Variants in DPP6 observed in about 807,000 individuals in gnomAD.
DPP6 encodes dipeptidyl peptidase like 6, also known as A-type potassium channel modulatory protein DPP6.
Under a neutral mutation model 122.6 loss-of-function variants are expected in DPP6, and 69 were observed. The observed-to-expected ratio is 0.56, with a 90% CI of 0.46 to 0.69. The LOEUF (loss-of-function observed/expected upper bound fraction) is 0.69. Ranked by LOEUF, DPP6 falls within the 30% of genes least tolerant of loss-of-function variation. The probability of loss-of-function intolerance (pLI) is 0.00; values close to 1 mark genes in which losing one functional copy is unlikely to be tolerated. For missense variants in DPP6, 928 were observed against 1,116.9 expected (o/e 0.83, Z 2.41); for synonymous variants, 418 against 433.1 (o/e 0.97, Z 0.43).
At chr7:154,414,964 T>G (rs923785020) in intron 1 of DPP6, among the ~76,000 whole-genome samples, 1 of 152,172 alleles carries the variant, frequency 6.6e-6, no homozygotes, top group Non-Finnish European at 1.5e-5. Context: ...TGATGGAGTT[T>G]GGAAGGGAGT....
At chr7:154,353,976 G>T (rs544033040) in intron 1 of DPP6, among the ~76,000 whole-genome samples, 6 of 152,282 alleles carry the variant, frequency 3.9e-5, no homozygotes, top group African/African-American at 1.4e-4. Context: ...TGAGGATGGG[G>T]CTTATTCAGC....
At chr7:154,561,730 GA>G (rs1331294811) in intron 4 of DPP6, among the ~76,000 whole-genome samples, 1 of 151,876 alleles carries the variant, frequency 6.6e-6, no homozygotes, top group African/African-American at 2.4e-5. Context: ...AAAAATGTTA[GA>G]AAAAATGACC....
At chr7:154,736,804 G>C (rs1317683954) in intron 8 of DPP6, among the ~76,000 whole-genome samples, 1 of 152,190 alleles carries the variant, frequency 6.6e-6, no homozygotes, top group African/African-American at 2.4e-5. Flanking sequence ...AAATACTTTT[G>C]AATGAGTTAA....
At chr7:154,336,257 C>T (rs575581285) in intron 1 of DPP6, among the ~76,000 whole-genome samples, 41 of 152,234 alleles carry the variant, frequency 2.7e-4, no homozygotes, top group South Asian at 1.9e-3. Context: ...GTGACCCAGC[C>T]CTTTCTCCTG....
At chr7:154,667,303 ATGTTTT>A in intron 6 of DPP6, among the ~76,000 whole-genome samples, 1 of 152,206 alleles carries the variant, frequency 6.6e-6, no homozygotes, top group Admixed American at 6.5e-5. Flanking sequence ...CAAAAGTTTT[ATGTTTT>A]TATGTAGTCC....
chr7:153,786,382 T>A, the DPP6 span, among the ~76,000 whole-genome samples: 2 of 150,970 alleles, frequency 1.3e-5, no homozygotes, highest in African/African-American at 4.9e-5. Context: ...AAACAATACT[T>A]CAGGTGACAA....
At chr7:153,790,618 G>T in the DPP6 span, among the ~76,000 whole-genome samples, 340 of 152,242 alleles carry the variant, frequency 2.2e-3, 1 homozygote, top group Middle Eastern at 0.017. Flanking sequence ...AAATGTTTCC[G>T]TTGATACTGA....
At chr7:153,827,075 A>G in the DPP6 span, among the ~76,000 whole-genome samples, 1 of 152,196 alleles carries the variant, frequency 6.6e-6, no homozygotes, top group Non-Finnish European at 1.5e-5. Context: ...AAGAAAAAAA[A>G]ATTAGAAGGC....
intron 8 of DPP6, among the ~76,000 whole-genome samples, chr7:154,763,373 AG>A: frequency 6.6e-6 from 1 of 152,080 alleles, no homozygotes; most frequent in Middle Eastern, 3.4e-3. Context: ...AGAGAGAGAG[AG>A]AGAAAGAAAG....
intron 1 of DPP6, among the ~76,000 whole-genome samples, chr7:154,365,714 G>A (rs575802656): frequency 2.6e-5 from 4 of 152,272 alleles, no homozygotes; most frequent in Non-Finnish European, 5.9e-5. Context: ...AGTACTTTGG[G>A]AGGCCGAGGC....
intron 7 of DPP6, among the ~76,000 whole-genome samples, chr7:154,720,769 A>G (rs1355456389): frequency 6.6e-6 from 1 of 152,264 alleles, no homozygotes; most frequent in Non-Finnish European, 1.5e-5. Flanking sequence ...AGGGGTGGGC[A>G]GCCCCTTCAC....
chr7:154,170,829 T>G (rs1324347360), intron 1 of DPP6, among the ~76,000 whole-genome samples: 1 of 152,214 alleles, frequency 6.6e-6, no homozygotes, highest in East Asian at 1.9e-4. Context: ...GTTGATATTT[T>G]TTTCCCAAAG....
At chr7:153,973,781 G>T (rs1451383636) in intron 1 of DPP6, among the ~76,000 whole-genome samples, 1 of 149,400 alleles carries the variant, frequency 6.7e-6, no homozygotes, top group African/African-American at 2.5e-5. Context: ...ACAGAGTGTG[G>T]ACTACAGAAA....
At chr7:154,594,635 T>C (rs1832984996) in intron 5 of DPP6, among the ~76,000 whole-genome samples, 1 of 152,212 alleles carries the variant, frequency 6.6e-6, no homozygotes, top group African/African-American at 2.4e-5. Context: ...TTAGTATACA[T>C]ACCTGATTCC....
intron 1 of DPP6, among the ~76,000 whole-genome samples, chr7:154,365,789 T>C (rs1386659516): frequency 6.6e-6 from 1 of 151,942 alleles, no homozygotes; most frequent in African/African-American, 2.4e-5. Context: ...AAACCCCGTC[T>C]CTACTAAAAA....
intron 7 of DPP6, among the ~76,000 whole-genome samples, chr7:154,700,144 C>A (rs1015974841): frequency 6.6e-6 from 1 of 152,176 alleles, no homozygotes; most frequent in African/African-American, 2.4e-5. Context: ...TAAATATGTG[C>A]AACACATCCA....
At chr7:154,665,696 C>T (rs541788754) in intron 6 of DPP6, among the ~76,000 whole-genome samples, 33 of 152,070 alleles carry the variant, frequency 2.2e-4, no homozygotes, top group East Asian at 1.2e-3. Context: ...AGTGGACAGA[C>T]GCAGGACATA....
intron 1 of DPP6, among the ~76,000 whole-genome samples, chr7:154,030,381 AC>A (rs1350266333): frequency 6.6e-6 from 1 of 152,128 alleles, no homozygotes; most frequent in Non-Finnish European, 1.5e-5. Flanking sequence ...TGGTGAGGGC[AC>A]CAGGTGTGAG....
chr7:154,268,169 G>T (rs902228850), intron 1 of DPP6, among the ~76,000 whole-genome samples: 1 of 152,106 alleles, frequency 6.6e-6, no homozygotes, highest in Non-Finnish European at 1.5e-5. Flanking sequence ...GTTTCTATGA[G>T]GAATAAAAGT....
Sources: allele counts gnomAD v4.1 joint callset (sites outside exome capture counted in the v4.1 genomes callset), GRCh38; gene constraint gnomAD v4.1.1; transcripts MANE v1.5; gene names NCBI Gene and HGNC (gene_info 2026-07-23, HGNC 2026-07-21).